The following SPATA16 variants were observed in gnomAD, a reference collection of about 807,000 sequenced individuals.
The protein encoded by SPATA16 is spermatogenesis-associated protein 16.
Under a neutral mutation model 63.3 loss-of-function variants are expected in SPATA16, and 36 were observed. That is an observed-to-expected ratio of 0.57 (90% CI 0.44 to 0.75). The LOEUF (loss-of-function observed/expected upper bound fraction) is 0.75, where lower values mean the gene tolerates loss of function less well. Ranked by LOEUF, SPATA16 falls within the 30% of genes least tolerant of loss-of-function variation. The pLI, the probability that SPATA16 is intolerant of heterozygous loss-of-function variation, is 0.00. For missense variants in SPATA16, 646 were observed against 679.3 expected (o/e 0.95, Z 0.54); for synonymous variants, 203 against 216.7 (o/e 0.94, Z 0.56).
intron 4 of SPATA16, among the ~76,000 whole-genome samples, chr3:172,995,401 C>T (rs1449187438): frequency 1.3e-5 from 2 of 152,014 alleles, no homozygotes; most frequent in Admixed American, 1.3e-4. Flanking sequence ...ATTGCTAATC[C>T]TGATCTTCTA....
At chr3:172,957,181 T>C (rs1202467525) in intron 5 of SPATA16, among the ~76,000 whole-genome samples, 1 of 152,162 alleles carries the variant, frequency 6.6e-6, no homozygotes, top group Non-Finnish European at 1.5e-5. Flanking sequence ...CAGACATTGG[T>C]GAGCAATTTG....
intron 1 of SPATA16, among the ~76,000 whole-genome samples, chr3:173,118,169 A>G (rs1242189665): frequency 2.0e-5 from 3 of 152,248 alleles, no homozygotes; most frequent in Non-Finnish European, 2.9e-5. Flanking sequence ...ACTCACCTGA[A>G]TAATAGACTT....
intron 1 of SPATA16, among the ~76,000 whole-genome samples, chr3:173,139,422 G>A (rs1422293550): frequency 6.6e-6 from 1 of 152,144 alleles, no homozygotes; most frequent in Non-Finnish European, 1.5e-5. Context: ...AGTGCAAAAT[G>A]TTACAACTTG....
At chr3:173,052,761 G>A (rs1736133141) in intron 2 of SPATA16, among the ~76,000 whole-genome samples, 1 of 152,136 alleles carries the variant, frequency 6.6e-6, no homozygotes, top group Admixed American at 6.6e-5. Context: ...AATCTAGGAA[G>A]GGTGATTTTG....
chr3:172,959,423 C>A (rs531543039), intron 5 of SPATA16, among the ~76,000 whole-genome samples: 1 of 152,164 alleles, frequency 6.6e-6, no homozygotes, highest in African/African-American at 2.4e-5. Flanking sequence ...GGAGGGTATG[C>A]GCTGGAGAGC....
chr3:172,902,711 C>T (rs1577082682), intron 10 of SPATA16, among the ~76,000 whole-genome samples: 1 of 152,206 alleles, frequency 6.6e-6, no homozygotes, highest in African/African-American at 2.4e-5. Context: ...TCATGTTCCT[C>T]TCCAGAGTCT....
intron 3 of SPATA16, among the ~76,000 whole-genome samples, chr3:173,046,453 T>C (rs1254844015): frequency 6.6e-6 from 1 of 152,130 alleles, no homozygotes; most frequent in South Asian, 2.1e-4. Flanking sequence ...TGTAGTCTTC[T>C]CTATGACAAA....
At chr3:173,087,325 C>A (rs1392870973) in intron 2 of SPATA16, among the ~76,000 whole-genome samples, 1 of 152,078 alleles carries the variant, frequency 6.6e-6, no homozygotes, top group Non-Finnish European at 1.5e-5. Flanking sequence ...AAGTCTATTT[C>A]ATCAGAAACT....
At chr3:172,976,006 T>A (rs1425426115) in intron 5 of SPATA16, among the ~76,000 whole-genome samples, 6 of 152,094 alleles carry the variant, frequency 3.9e-5, no homozygotes, top group African/African-American at 1.4e-4. Context: ...GCTTAGAACA[T>A]CTTATTCTGG....
intron 2 of SPATA16, among the ~76,000 whole-genome samples, chr3:173,073,205 A>C (rs1736713212): frequency 6.6e-6 from 1 of 152,248 alleles, no homozygotes; most frequent in South Asian, 2.1e-4. Context: ...AGAACATAAA[A>C]ATTCTGAAAA....
At position 173,117,707 on chromosome 3, in the gene SPATA16, A is replaced by G. The variant is rs150041488; in HGVS notation, c.25T>C (p.Leu9=). Residue 9 remains leucine, a synonymous_variant, in exon 2 of 11, where the codon TTG becomes CTG. Coordinates refer to ENST00000351008, the MANE Select transcript of SPATA16 (RefSeq NM_031955.6). MDAGSSRS[L]ENAVNRIYHD... is the part of the protein sequence containing the mutation. ...TAGATCCTATTCACTGCATTCTCCA[A>G]ACTCCTACTGCTTCCTGCATCCATC... is the stretch of plus-strand genomic sequence containing the variant. The G allele has an allele frequency of 1.2e-4, 190 of 1,613,916 alleles. No individual in the cohort carries two copies. In the Middle Eastern group the frequency reaches 2.3e-3, roughly 20 times the overall value.
intron 1 of SPATA16, among the ~76,000 whole-genome samples, chr3:173,127,387 T>C (rs1738252289): frequency 6.6e-6 from 1 of 152,252 alleles, no homozygotes; most frequent in South Asian, 2.1e-4. Flanking sequence ...TACTATTGTC[T>C]AATCTACAGT....
intron 1 of SPATA16, among the ~76,000 whole-genome samples, chr3:173,138,802 C>T (rs1738621926): frequency 6.6e-6 from 1 of 152,200 alleles, no homozygotes; most frequent in Non-Finnish European, 1.5e-5. Flanking sequence ...ATCAGGTCAA[C>T]TCAATTACCT....
intron 3 of SPATA16, among the ~76,000 whole-genome samples, chr3:173,022,382 A>G (rs1735354666): frequency 1.3e-5 from 2 of 152,136 alleles, no homozygotes; most frequent in Admixed American, 6.5e-5. Context: ...CTACTCTGAA[A>G]GTGTAATTAT....
At chr3:172,983,280 G>T (rs1250954848) in intron 4 of SPATA16, among the ~76,000 whole-genome samples, 1 of 150,082 alleles carries the variant, frequency 6.7e-6, no homozygotes, top group Non-Finnish European at 1.5e-5. Context: ...TTTTCCCTAT[G>T]TTAATTAATT....
chr3:173,022,963 C>A (rs1387469204), intron 3 of SPATA16, among the ~76,000 whole-genome samples: 4 of 151,976 alleles, frequency 2.6e-5, no homozygotes, highest in Non-Finnish European at 4.4e-5. Flanking sequence ...CATTGATTCA[C>A]CCCTTTCTAA....
intron 3 of SPATA16, among the ~76,000 whole-genome samples, chr3:173,027,714 C>T (rs145807742): frequency 7.9e-5 from 12 of 151,822 alleles, no homozygotes; most frequent in African/African-American, 1.4e-4. Context: ...GTATCTTCCC[C>T]GGGCCCAAGA....
Position 173,053,376 on chromosome 3 carries a change from C to CTAATAA in SPATA16, c.613-4288_613-4283dup, listed in dbSNP as rs537862127. 2.5e-3 allele frequency among the ~76,000 whole-genome samples: 375 copies of CTAATAA among 151,380 alleles called. 1 individual carries two copies. The highest frequency in any genetic ancestry group is 4.0e-3 in the Non-Finnish European group (274 of 67,828). ...TGGGTGACAGACTGAGATTCAGTCTCTAATAATAATAATAATAATAGTAAA... is the reference window on the plus strand; with the variant it reads ...TGGGTGACAGACTGAGATTCAGTCTCTAATAATAATAATAATAATAATAATAGTAAA... On this transcript the variant is annotated intron_variant, in intron 2 of 10. Transcript: ENST00000351008.
At chr3:173,010,435 C>CGTGTGTGTGTGT (rs66547523) in intron 4 of SPATA16, among the ~76,000 whole-genome samples, 1,925 of 141,360 alleles carry the variant, frequency 0.014, 29 homozygotes, top group African/African-American at 0.029. Context: ...CACGTTGTGG[C>CGTGTGTGTGTGT]GTGTGTGTGT....
Sources: gnomAD v4.1 joint callset for allele counts (sites outside exome capture counted in the v4.1 genomes callset) on GRCh38, gnomAD v4.1.1 for gene constraint, MANE v1.5 for transcripts, NCBI Gene and HGNC (gene_info 2026-07-23, HGNC 2026-07-21) for gene names.